YY1: variants seen among roughly 807,000 people sequenced by gnomAD.
YY1 encodes the protein transcriptional repressor protein YY1.
A neutral mutation model predicts 35.6 loss-of-function variants in YY1; 2 were observed. The ratio of observed to expected loss-of-function variants is 0.06; its 90% CI spans 0.02 to 0.18. YY1 has a LOEUF of 0.18. Among genes scored for constraint, YY1 ranks in the 10% least tolerant of loss-of-function variants. The pLI, the probability that YY1 is intolerant of heterozygous loss-of-function variation, is 1.00. For missense variants in YY1, 322 were observed against 573.4 expected, an observed-to-expected ratio of 0.56 and a Z score of 4.48; for synonymous variants, 268 against 238.9, an observed-to-expected ratio of 1.12 and a Z score of -1.12.
chr14:100,239,598 G>A lies in YY1; in HGVS notation c.354G>A (p.Ser118=). The part of the protein sequence containing the change: ...TREEVVGGDD[S]DGLRAEDGFE... ...AGGAGGTGGTGGGCGGCGACGACTC[G>A]GACGGGCTGCGCGCCGAGGACGGCT... The change falls in exon 1 of 5, where the codon TCG becomes TCA. Residue 118 remains serine, a synonymous_variant. Transcript: ENST00000262238. 1 of 1,612,318 alleles carries A rather than the reference G, an allele frequency of 6.2e-7. No homozygotes were observed.
At chr14:100,240,969 GTTTT>G (rs1481601287) in intron 1 of YY1, among the ~76,000 whole-genome samples, 1 of 152,118 alleles carries the variant, frequency 6.6e-6, no homozygotes, top group Non-Finnish European at 1.5e-5. Context: ...TAGAAAGCGG[GTTTT>G]TTTGAGTTTT....
intron 2 of YY1, among the ~76,000 whole-genome samples, chr14:100,268,765 T>G (rs576712867): frequency 6.6e-6 from 1 of 152,230 alleles, no homozygotes; most frequent in African/African-American, 2.4e-5. Context: ...ACAGCCGTAT[T>G]ACGCAGGAAC....
Position 100,276,445 on chromosome 14 carries a change from A to G in YY1, c.904-45A>G, listed in dbSNP as rs1290225293. 2 of 1,613,902 alleles carry G rather than the reference A, an allele frequency of 1.2e-6. No individual in the cohort carries two copies. The highest frequency in any genetic ancestry group is 1.7e-6 in the Non-Finnish European group (2 of 1,179,910). On this transcript the variant is annotated intron_variant, in intron 3 of 4. Transcript: ENST00000262238. The surrounding 1 kb of genome is among the most constrained non-coding windows in gnomAD (Gnocchi z 4.1). Reference sequence around the variant, plus strand: ...GCTGTTAAATGGTTGAATCCTTTCTAACAGTTTGCAATGTGAACTTCTAAG... The same window carrying G: ...GCTGTTAAATGGTTGAATCCTTTCTGACAGTTTGCAATGTGAACTTCTAAG...
At position 100,267,758 on chromosome 14, in the gene YY1, G is replaced by A. The variant is rs191364229; in HGVS notation, c.842+5292G>A. On this transcript the variant is annotated intron_variant, in intron 2 of 4. Coordinates refer to ENST00000262238, the MANE Select transcript of YY1 (RefSeq NM_003403.5). ...AAGATGGTCTCGATCTCTCGACCTCGTGATCCACCCACCTCGGCCTCCCAA... is the reference window on the plus strand; with the variant it reads ...AAGATGGTCTCGATCTCTCGACCTCATGATCCACCCACCTCGGCCTCCCAA... Among the ~76,000 whole-genome samples, 376 of 152,268 alleles carry A rather than the reference G, an allele frequency of 2.5e-3. 1 individual carries two copies. Among genetic ancestry groups the A allele is most frequent in the Admixed American group, 8.1e-3 (124 of 15,290 alleles).
chr14:100,253,113 G>C (rs1399455184), intron 1 of YY1, among the ~76,000 whole-genome samples: 2 of 152,156 alleles, frequency 1.3e-5, no homozygotes, highest in Admixed American at 1.3e-4. Context: ...AACAATAAAA[G>C]ATCCTGTCCT....
In YY1 at chr14:100,276,296, T is replaced by G; in HGVS notation, c.904-194T>G. On this transcript the variant is annotated intron_variant, in intron 3 of 4. Coordinates refer to ENST00000262238, the MANE Select transcript of YY1 (RefSeq NM_003403.5). The surrounding 1 kb of genome is among the most constrained non-coding windows in gnomAD (Gnocchi z 4.1). Reference sequence around the variant, plus strand: ...CTCATCTGTAAAACTAGGGTTTGCATTGAATGATGACTTTTTCAGCTGTCT... The same window carrying G: ...CTCATCTGTAAAACTAGGGTTTGCAGTGAATGATGACTTTTTCAGCTGTCT... 1 of 717,000 alleles carries G rather than the reference T, an allele frequency of 1.4e-6. No individual in the cohort carries two copies. The highest frequency in any genetic ancestry group is 2.2e-6 in the Non-Finnish European group (1 of 445,098). The allele number at this position is 717,000 out of a possible 1,614,324, so 44.4% of individuals were successfully genotyped here.
chr14:100,242,371 GTTTTTTGTT>G (rs1890760492), intron 1 of YY1, among the ~76,000 whole-genome samples: 1 of 51,466 alleles, frequency 1.9e-5, no homozygotes, highest in South Asian at 1.3e-3. Flanking sequence ...GTTTTGTTTT[GTTTTTTGTT>G]TTTTTTTTTT....
chr14:100,272,965 G>GTTTTTTTTTTTT (rs368896214), intron 2 of YY1, among the ~76,000 whole-genome samples: 2 of 127,704 alleles, frequency 1.6e-5, no homozygotes, highest in Admixed American at 7.9e-5. Context: ...TTTTTTTTTT[G>GTTTTTTTTTTTT]TTTTTTTTTT....
intron 1 of YY1, among the ~76,000 whole-genome samples, chr14:100,250,353 G>A (rs1173469715): frequency 6.6e-6 from 1 of 152,074 alleles, no homozygotes; most frequent in Non-Finnish European, 1.5e-5. Context: ...TGATGGCAGC[G>A]GTGACTCTTT....
chr14:100,262,342 G>A lies in YY1; in HGVS notation c.718G>A (p.Glu240Lys). ...TATTGACCATGAGACAGTGGTTGAA[G>A]AACAGATCATTGGAGAGAACTCACC... ...KDIDHETVVE[E>K]QIIGENSPPD... is the part of the protein sequence containing the mutation. The change falls in exon 2 of 5, where the codon GAA becomes AAA. Residue 240 changes from glutamate to lysine, a missense_variant. By Grantham distance (56) the Glu-to-Lys change is moderately conservative. Around this residue, in one of 4 missense-constraint regions of YY1, gnomAD observed 152 missense variants for 167.1 expected, o/e 0.91. Transcript: ENST00000262238. 1 of 1,614,000 alleles carries A rather than the reference G, an allele frequency of 6.2e-7. No individual in the cohort carries two copies. The highest frequency in any genetic ancestry group is 8.5e-7 in the Non-Finnish European group (1 of 1,180,014).
rs889380122 is a variant in YY1 at position 100,281,681 on chromosome 14, C to A, written c.*4081C>A. 6.6e-6 allele frequency: 1 copy of A among 152,260 alleles called. No individual in the cohort carries two copies. Among genetic ancestry groups the A allele is most frequent in the Non-Finnish European group, 1.5e-5 (1 of 68,070 alleles). The allele number at this position is 152,260 out of a possible 1,614,324, so 9.4% of individuals were successfully genotyped here. ...CCCCACGCCTTCAGAATCATGCTTA[C>A]CTGCACGGCAGCATCTGACTGGATG... is the stretch of plus-strand genomic sequence containing the variant. On this transcript the variant is annotated 3_prime_UTR_variant, in exon 5 of 5. Coordinates refer to ENST00000262238, the MANE Select transcript of YY1 (RefSeq NM_003403.5).
intron 2 of YY1, among the ~76,000 whole-genome samples, chr14:100,267,081 A>C (rs1234416773): frequency 6.6e-6 from 1 of 152,206 alleles, no homozygotes; most frequent in Non-Finnish European, 1.5e-5. Flanking sequence ...TAGTGGGTAG[A>C]GTGAGTAAGA....
intron 1 of YY1, among the ~76,000 whole-genome samples, chr14:100,255,401 C>T (rs1318818600): frequency 1.3e-5 from 2 of 151,988 alleles, no homozygotes; most frequent in Non-Finnish European, 2.9e-5. Flanking sequence ...GGCGGATCAC[C>T]TGAGATCAGG....
rs753530895 is a variant in YY1, at chr14:100,239,469, TCACCACCACCACCAC to T, written c.227_241del (p.His76_His80del). ...ACGCCGGCCACCACCACCACCACCA[TCACCACCACCACCAC>T]CCGCCCATGATCGCTCTGCAGCCGC... is the stretch of plus-strand genomic sequence containing the variant. On this transcript the variant is annotated inframe_deletion, in exon 1 of 5. Transcript: ENST00000262238. 12 of 1,592,778 alleles carry T rather than the reference TCACCACCACCACCAC, an allele frequency of 7.5e-6. No individual in the cohort carries two copies. Among genetic ancestry groups the T allele is most frequent in the Non-Finnish European group, 9.4e-6 (11 of 1,172,828 alleles).
At chr14:100,240,888 GTTTAAT>G (rs1391199471) in intron 1 of YY1, among the ~76,000 whole-genome samples, 4 of 152,182 alleles carry the variant, frequency 2.6e-5, no homozygotes, top group African/African-American at 9.6e-5. Flanking sequence ...AAATCGGGTA[GTTTAAT>G]TTTAAGCCTT....
In YY1 at chr14:100,239,457, C is replaced by T; in HGVS notation, c.213C>T (p.His71=). The T allele has an allele frequency of 6.2e-7, 1 of 1,600,030 alleles. No homozygotes were observed. Among genetic ancestry groups the T allele is most frequent in the Non-Finnish European group, 8.5e-7 (1 of 1,175,172 alleles). ...GGGGHGHAGH[H]HHHHHHHHHP... Reference sequence around the variant, plus strand: ...GCGGCCACGGGCACGCCGGCCACCACCACCACCACCATCACCACCACCACC... The same window carrying T: ...GCGGCCACGGGCACGCCGGCCACCATCACCACCACCATCACCACCACCACC... The change falls in exon 1 of 5, where the codon CAC becomes CAT. Residue 71 remains histidine, a synonymous_variant. Transcript: ENST00000262238.
At chr14:100,274,351 G>C (rs1030508915) in intron 2 of YY1, among the ~76,000 whole-genome samples, 19 of 152,100 alleles carry the variant, frequency 1.2e-4, no homozygotes, top group Non-Finnish European at 2.6e-4. Context: ...CTGATTGTCT[G>C]AGTTGATTTT....
rs1191001155 is a variant in YY1 at position 100,282,096 on chromosome 14, T to C, written c.*4496T>C. The C allele has an allele frequency of 6.6e-6, 1 of 152,130 alleles. No individual in the cohort carries two copies. The highest frequency in any genetic ancestry group is 1.5e-5 in the Non-Finnish European group (1 of 68,032). 9.4% of individuals were successfully genotyped at this position (152,130 alleles called of 1,614,324 possible). A position where few individuals can be genotyped will look rare whatever the true frequency, so the allele number is the denominator to read the frequency against. On this transcript the variant is annotated 3_prime_UTR_variant, in exon 5 of 5. Coordinates refer to ENST00000262238, the MANE Select transcript of YY1 (RefSeq NM_003403.5). Reference sequence around the variant, plus strand: ...CAAAGCAAACCTCCCACAAACTGGGTGCCGTAAGGTGGGAGGTGACACATG... The same window carrying C: ...CAAAGCAAACCTCCCACAAACTGGGCGCCGTAAGGTGGGAGGTGACACATG...
chr14:100,246,296 C>A (rs934446100), intron 1 of YY1, among the ~76,000 whole-genome samples: 2 of 152,242 alleles, frequency 1.3e-5, no homozygotes, highest in Non-Finnish European at 2.9e-5. Context: ...GTGTCCCCCC[C>A]ATTCTGTCCC....
Sources: gnomAD v4.1 joint callset for allele counts (sites outside exome capture counted in the v4.1 genomes callset) on GRCh38, gnomAD v4.1.1 for gene constraint, gnomAD v4.1.1 regional missense constraint, Gnocchi (gnomAD v3.1) non-coding constraint, MANE v1.5 for transcripts, NCBI Gene and HGNC (gene_info 2026-07-23, HGNC 2026-07-21) for gene names.